The following MOB3B variants were observed in gnomAD, a reference collection of about 807,000 sequenced individuals.
MOB3B encodes MOB kinase activator-like 2B.
MOB3B carries 7 observed loss-of-function variants against 18.7 expected under a neutral mutation model. That is an observed-to-expected ratio of 0.37 (90% CI 0.21 to 0.70). The LOEUF is 0.70. Among genes scored for constraint, MOB3B ranks in the 30% least tolerant of loss-of-function variants. MOB3B has a pLI of 0.52. For missense variants in MOB3B, 253 were observed against 281.3 expected, an observed-to-expected ratio of 0.90 and a Z score of 0.72; for synonymous variants, 111 against 99.9, an observed-to-expected ratio of 1.11 and a Z score of -0.66.
intron 1 of MOB3B, among the ~76,000 whole-genome samples, chr9:27,456,028 A>G (rs1822864259): frequency 6.6e-6 from 1 of 152,178 alleles, no homozygotes; most frequent in Non-Finnish European, 1.5e-5. Context: ...GACCTTTCCA[A>G]GGTGTTAAGG....
intron 2 of MOB3B, among the ~76,000 whole-genome samples, chr9:27,371,681 G>T (rs1821416835): frequency 6.6e-6 from 1 of 152,300 alleles, no homozygotes; most frequent in South Asian, 2.1e-4. Flanking sequence ...AGTAGGCTGG[G>T]TGTAATATGA....
intron 1 of MOB3B, among the ~76,000 whole-genome samples, chr9:27,460,511 C>T (rs766865333): frequency 3.3e-5 from 5 of 152,086 alleles, no homozygotes; most frequent in Non-Finnish European, 7.4e-5. Context: ...AGAGTCCTTG[C>T]CAGGGATAAG....
chr9:27,516,397 T>C (rs1820234563), intron 1 of MOB3B, among the ~76,000 whole-genome samples: 1 of 152,192 alleles, frequency 6.6e-6, no homozygotes, highest in South Asian at 2.1e-4. Context: ...ATGTATTTCA[T>C]GGGAGGCATA....
chr9:27,464,010 T>C (rs1819336737), intron 1 of MOB3B, among the ~76,000 whole-genome samples: 1 of 152,124 alleles, frequency 6.6e-6, no homozygotes, highest in Non-Finnish European at 1.5e-5. Context: ...GGTGCTTACC[T>C]TTATTGTAAG....
At chr9:27,506,972 G>T (rs1296146417) in intron 1 of MOB3B, among the ~76,000 whole-genome samples, 1 of 151,774 alleles carries the variant, frequency 6.6e-6, no homozygotes, top group Non-Finnish European at 1.5e-5. Flanking sequence ...GAGCCACTGC[G>T]CCCAGCCCAA....
chr9:27,419,869 C>T (rs890739096), intron 2 of MOB3B, among the ~76,000 whole-genome samples: 1 of 152,134 alleles, frequency 6.6e-6, no homozygotes, highest in African/African-American at 2.4e-5. Context: ...AAATAGAAAA[C>T]CCACAGAGTG....
chr9:27,359,291 C>T, intron 2 of MOB3B, 55 bp from the exon 3 acceptor site: 1 of 1,512,836 alleles, frequency 6.6e-7, no homozygotes, highest in Non-Finnish European at 9.1e-7. Context: ...GATCCTTTTC[C>T]TCTTTCCTCT....
intron 1 of MOB3B, among the ~76,000 whole-genome samples, chr9:27,522,083 T>C (rs1228003857): frequency 6.7e-6 from 1 of 150,310 alleles, no homozygotes; most frequent in African/African-American, 2.4e-5. Context: ...TCTACTAAAA[T>C]ACAAAAAAAT....
chr9:27,445,566 C>T (rs1260117188), intron 2 of MOB3B, among the ~76,000 whole-genome samples: 2 of 152,204 alleles, frequency 1.3e-5, no homozygotes, highest in African/African-American at 4.8e-5. Flanking sequence ...ATGCCCCTGG[C>T]TGCAGGCTTT....
chr9:27,420,606 C>T (rs1229312403), intron 2 of MOB3B, among the ~76,000 whole-genome samples: 7 of 112,658 alleles, frequency 6.2e-5, no homozygotes, highest in Non-Finnish European at 1.0e-4. Flanking sequence ...TGGAATACTA[C>T]ACAGCCATAA....
rs541223045 is a variant in MOB3B at position 27,411,341 on chromosome 9, A to G, written c.418+43792T>C. Among the ~76,000 whole-genome samples, 12 of 152,336 alleles carry G rather than the reference A, an allele frequency of 7.9e-5. No homozygotes were observed. In the South Asian group the frequency reaches 2.3e-3, roughly 29 times the overall value. On this transcript the variant is annotated intron_variant, in intron 2 of 3. Coordinates refer to ENST00000262244, the MANE Select transcript of MOB3B (RefSeq NM_024761.5). ...AAGGTTCAAATTTCCAAGAAGGAAC[A>G]TCTAGCAGGTGAATCAATGCCATCT...
At chr9:27,482,589 C>T (rs1402123061) in intron 1 of MOB3B, among the ~76,000 whole-genome samples, 3 of 152,204 alleles carry the variant, frequency 2.0e-5, no homozygotes, top group Non-Finnish European at 4.4e-5. Flanking sequence ...GCTTCCAAGG[C>T]TTTTCAGACC....
chr9:27,397,106 A>T (rs1466958350), intron 2 of MOB3B: 2 of 152,208 alleles, frequency 1.3e-5, no homozygotes, highest in Non-Finnish European at 1.5e-5. Flanking sequence ...CATCTACAAG[A>T]CAGTCCTTCT....
intron 1 of MOB3B, among the ~76,000 whole-genome samples, chr9:27,489,088 C>T (rs1455935833): frequency 2.0e-5 from 3 of 152,240 alleles, no homozygotes; most frequent in Non-Finnish European, 4.4e-5. Flanking sequence ...GCCTGGTCTT[C>T]TTCCTAGCCA....
At chr9:27,450,050 T>A (rs930430447) in intron 2 of MOB3B, among the ~76,000 whole-genome samples, 1 of 151,460 alleles carries the variant, frequency 6.6e-6, no homozygotes, top group African/African-American at 2.4e-5. Flanking sequence ...CAACATCCCA[T>A]GTCTGAGAAG....
At chr9:27,357,723 A>G (rs1454534245) in intron 3 of MOB3B, among the ~76,000 whole-genome samples, 1 of 151,514 alleles carries the variant, frequency 6.6e-6, no homozygotes, top group Non-Finnish European at 1.5e-5. Context: ...TTCAATGACA[A>G]TCATCTGATC....
At chr9:27,396,046 C>T (rs1017802052) in intron 2 of MOB3B, among the ~76,000 whole-genome samples, 1 of 151,892 alleles carries the variant, frequency 6.6e-6, no homozygotes, top group Admixed American at 6.6e-5. Context: ...GGTGCCTGGC[C>T]ACTTAAGGTA....
At chr9:27,384,802 A>G (rs1337241618) in intron 2 of MOB3B, among the ~76,000 whole-genome samples, 1 of 152,184 alleles carries the variant, frequency 6.6e-6, no homozygotes, top group African/African-American at 2.4e-5. Flanking sequence ...AGTGAGTAGC[A>G]TCAGGAACTG....
intron 1 of MOB3B, among the ~76,000 whole-genome samples, chr9:27,468,131 A>T (rs116488828): frequency 3.4e-4 from 52 of 152,330 alleles, no homozygotes; most frequent in African/African-American, 1.2e-3. Flanking sequence ...TCTACACACC[A>T]GAAATGCATA....
Sources: gnomAD v4.1 joint callset for allele counts (sites outside exome capture counted in the v4.1 genomes callset) on GRCh38, gnomAD v4.1.1 for gene constraint, MANE v1.5 for transcripts, NCBI Gene and HGNC (gene_info 2026-07-23, HGNC 2026-07-21) for gene names.